Variants in ZEB2 observed in about 807,000 individuals in gnomAD.
ZEB2 encodes the protein zinc finger E-box-binding homeobox 2.
ZEB2 carries 6 observed loss-of-function variants against 99.9 expected under a neutral mutation model. The observed-to-expected ratio is 0.06, with a 90% CI of 0.03 to 0.12. ZEB2 has a LOEUF of 0.12. ZEB2 is among the 10% of genes least tolerant of loss of function. The pLI, the probability that ZEB2 is intolerant of heterozygous loss-of-function variation, is 1.00. For missense variants in ZEB2, 969 were observed against 1,502.8 expected, an observed-to-expected ratio of 0.64 and a Z score of 5.87; for synonymous variants, 517 against 542.5, an observed-to-expected ratio of 0.95 and a Z score of 0.65.
At chr2:144,476,352 G>T (rs1218441135) in intron 2 of ZEB2, among the ~76,000 whole-genome samples, 1 of 152,070 alleles carries the variant, frequency 6.6e-6, no homozygotes, top group Non-Finnish European at 1.5e-5. Context: ...ATCATGAAGT[G>T]GGCCTCAAGG....
chr2:144,430,339 G>C (rs896294948), intron 2 of ZEB2, among the ~76,000 whole-genome samples: 1 of 151,840 alleles, frequency 6.6e-6, no homozygotes, highest in African/African-American at 2.4e-5. Flanking sequence ...ATGTACTTTC[G>C]ATACTCCACA....
At position 144,398,874 on chromosome 2, in the gene ZEB2, T is replaced by C. The variant is rs1560606324; in HGVS notation, c.2313A>G (p.Pro771=). The C allele has an allele frequency of 1.2e-6, 2 of 1,614,194 alleles. No individual in the cohort carries two copies. The highest frequency in any genetic ancestry group is 1.7e-6 in the Non-Finnish European group (2 of 1,180,018). Residue 771 remains proline (P), a synonymous_variant, in exon 8 of 10, where the codon CCA becomes CCG. Transcript: ENST00000627532. ...TKPSHFTNIK[P]VEKLDHSRSN... ...TCCTGGAGTGGTCCAATTTTTCAACTGGTTTAATATTGGTAAAATGGGAAG... is the reference window on the plus strand; with the variant it reads ...TCCTGGAGTGGTCCAATTTTTCAACCGGTTTAATATTGGTAAAATGGGAAG...
chr2:144,424,969 G>A lies in ZEB2; in HGVS notation c.332-102C>T. The stretch of plus-strand genomic sequence containing the variant: ...AAGGAAGATTCTTTTAAAGGAAACA[G>A]AGAAAAGGCTTGTTGTAGACCTCTA... On this transcript the variant is annotated intron_variant, in intron 3 of 9. Coordinates refer to ENST00000627532, the MANE Select transcript of ZEB2 (RefSeq NM_014795.4). The A allele has an allele frequency of 3.2e-6, 4 of 1,268,762 alleles. No individual in the cohort carries two copies. In the African/African-American group the frequency reaches 4.4e-5, roughly 14 times the overall value. The allele number at this position is 1,268,762 out of a possible 1,614,324, so 78.6% of individuals were successfully genotyped here.
In ZEB2 at chr2:144,398,599, G is replaced by A; in HGVS notation, c.2588C>T (p.Thr863Ile). Residue 863 changes from threonine (T) to isoleucine (I), a missense_variant, in exon 8 of 10, where the codon ACT becomes ATT. By Grantham distance (89) the Thr-to-Ile change is moderately conservative. Transcript: ENST00000627532. ...ATTTGAAAATTCCTTCTTGATAAAA[G>A]TCAAGTTCAGAGGCTCATCTGAGTT... ...SENSDEPLNL[T>I]FIKKEFSNSN... The A allele has an allele frequency of 6.2e-7, 1 of 1,614,160 alleles. No individual in the cohort carries two copies. Among genetic ancestry groups the A allele is most frequent in the South Asian group, 1.1e-5 (1 of 91,084 alleles).
intron 2 of ZEB2, among the ~76,000 whole-genome samples, chr2:144,501,100 ATCAT>A (rs1704862402): frequency 6.6e-6 from 1 of 152,058 alleles, no homozygotes; most frequent in African/African-American, 2.4e-5. Flanking sequence ...GGAAAGAGCC[ATCAT>A]TACCTGTTTA....
intron 7 of ZEB2, 47 bp from the exon 8 acceptor site, chr2:144,400,317 C>G: frequency 6.3e-7 from 1 of 1,579,888 alleles, no homozygotes; most frequent in Middle Eastern, 1.7e-4. Context: ...GATTAGATAA[C>G]AATTGCAATT....
chr2:144,495,917 G>A (rs1264843132), intron 2 of ZEB2: 1 of 152,232 alleles, frequency 6.6e-6, no homozygotes, highest in Non-Finnish European at 1.5e-5. Flanking sequence ...CCATTGTGCA[G>A]GAGTGGTTTT....
At chr2:144,414,064 A>G (rs934698267) in intron 4 of ZEB2, among the ~76,000 whole-genome samples, 7 of 152,230 alleles carry the variant, frequency 4.6e-5, no homozygotes, top group Admixed American at 2.0e-4. Flanking sequence ...TAGGGGAGTT[A>G]CACCTGGCAC....
rs1346007723 is a variant in ZEB2, at chr2:144,385,296, A to C, written c.*4155T>G. ...AGTGAACCAATTAATCATTAGAAACAAATGTCATTGAATACAGAATAGTTG... is the reference window on the plus strand; with the variant it reads ...AGTGAACCAATTAATCATTAGAAACCAATGTCATTGAATACAGAATAGTTG... On this transcript the variant is annotated 3_prime_UTR_variant, in exon 10 of 10. Coordinates refer to ENST00000627532, the MANE Select transcript of ZEB2 (RefSeq NM_014795.4). 1 of 145,546 alleles carries C rather than the reference A, an allele frequency of 6.9e-6. No individual in the cohort carries two copies. Among genetic ancestry groups the C allele is most frequent in the East Asian group, 1.9e-4 (1 of 5,204 alleles). The allele number at this position is 145,546 out of a possible 1,614,324, so 9.0% of individuals were successfully genotyped here. A position where few individuals can be genotyped will look rare whatever the true frequency, so the allele number is the denominator to read the frequency against.
At chr2:144,481,358 A>G (rs1035312064) in intron 2 of ZEB2, among the ~76,000 whole-genome samples, 4 of 152,198 alleles carry the variant, frequency 2.6e-5, no homozygotes, top group Admixed American at 2.6e-4. Context: ...AAAGTACACA[A>G]TTCTCATTTC....
At chr2:144,423,225 TA>T (rs564580349) in intron 4 of ZEB2, among the ~76,000 whole-genome samples, 60 of 152,298 alleles carry the variant, frequency 3.9e-4, no homozygotes, top group Non-Finnish European at 5.6e-4. Context: ...CTTTGTGGGG[TA>T]AATTTTCTTT....
In ZEB2 at chr2:144,454,288, C is replaced by T. The variant is rs961902430; in HGVS notation, c.74-24262G>A. Among the ~76,000 whole-genome samples, 6 of 152,296 alleles carry T rather than the reference C, an allele frequency of 3.9e-5. No individual in the cohort carries two copies. The East Asian group carries it at 1.2e-3, about 29-fold the overall frequency. Reference sequence around the variant, plus strand: ...CGATAGTAACTTTTTAAAAAACTCACCGACTGCTTAAAAACTAAAAGTTGA... The same window carrying T: ...CGATAGTAACTTTTTAAAAAACTCATCGACTGCTTAAAAACTAAAAGTTGA... On this transcript the variant is annotated intron_variant, in intron 2 of 9. Transcript: ENST00000627532.
chr2:144,431,703 T>C (rs1294130355), intron 2 of ZEB2, among the ~76,000 whole-genome samples: 2 of 151,444 alleles, frequency 1.3e-5, no homozygotes, highest in Admixed American at 1.3e-4. Flanking sequence ...CTGCTCTAGC[T>C]GTGTGGTCCA....
chr2:144,508,720 T>TC (rs1013572355), intron 2 of ZEB2, among the ~76,000 whole-genome samples: 2 of 151,740 alleles, frequency 1.3e-5, no homozygotes, highest in African/African-American at 4.8e-5. Context: ...AGGCAGTACT[T>TC]CCCCCTTGAA....
chr2:144,433,599 A>G (rs1703801048), intron 2 of ZEB2, among the ~76,000 whole-genome samples: 2 of 152,190 alleles, frequency 1.3e-5, no homozygotes, highest in Admixed American at 1.3e-4. Flanking sequence ...CTGGAAAGAT[A>G]TATCTGCATA....
chr2:144,477,306 T>C (rs1478115071), intron 2 of ZEB2, among the ~76,000 whole-genome samples: 1 of 152,262 alleles, frequency 6.6e-6, no homozygotes, highest in African/African-American at 2.4e-5. Flanking sequence ...CTGCAACATT[T>C]ACTTTCATCT....
At chr2:144,484,386 G>A (rs1353886011) in intron 2 of ZEB2, among the ~76,000 whole-genome samples, 28 of 152,214 alleles carry the variant, frequency 1.8e-4, no homozygotes. Flanking sequence ...GCCATGCTGA[G>A]ATTGGAAGGC....
At chr2:144,511,284 C>A in intron 2 of ZEB2, 1 of 696,236 alleles carries the variant, frequency 1.4e-6, no homozygotes, top group East Asian at 8.2e-5. Flanking sequence ...AAGAGAAAAG[C>A]CAAAAGATAC....
At chr2:144,420,977 G>T (rs1474808669) in intron 4 of ZEB2, among the ~76,000 whole-genome samples, 1 of 152,200 alleles carries the variant, frequency 6.6e-6, no homozygotes, top group Admixed American at 6.5e-5. Flanking sequence ...TTATAGGAAA[G>T]ATGTGGGCTG....
Sources: gnomAD v4.1 joint callset for allele counts (sites outside exome capture counted in the v4.1 genomes callset) on GRCh38, gnomAD v4.1.1 for gene constraint, MANE v1.5 for transcripts, NCBI Gene and HGNC (gene_info 2026-07-23, HGNC 2026-07-21) for gene names.